The following TMEM9 variants were observed in gnomAD, a reference collection of about 807,000 sequenced individuals.
TMEM9 encodes the protein proton-transporting V-type ATPase complex assembly regulator TMEM9.
Under a neutral mutation model 22.8 loss-of-function variants are expected in TMEM9, and 13 were observed. The observed-to-expected ratio is 0.57, with a 90% CI of 0.37 to 0.91. The LOEUF is 0.91. Among genes scored for constraint, TMEM9 ranks in the 40% least tolerant of loss-of-function variants. The pLI is 0.01. For synonymous variants in TMEM9, 88 were observed against 93.0 expected (o/e 0.95, Z 0.31); for missense variants, 182 against 238.1 (o/e 0.76, Z 1.55).
upstream of TMEM9, among the ~76,000 whole-genome samples, chr1:201,156,491 T>C (rs77546045): frequency 1.9e-3 from 287 of 152,278 alleles, 1 homozygote; most frequent in African/African-American, 6.9e-3. Flanking sequence ...GCCAAGTGGT[T>C]ACCATTTCTG....
intron 1 of TMEM9, among the ~76,000 whole-genome samples, chr1:201,167,293 G>T (rs562278385): frequency 1.3e-5 from 2 of 152,236 alleles, no homozygotes; most frequent in South Asian, 4.1e-4. Flanking sequence ...AAGGCTCAGA[G>T]GTTAGGAGTT....
At chr1:201,148,776 A>G (rs1168343717) in intron 2 of TMEM9, among the ~76,000 whole-genome samples, 1 of 152,254 alleles carries the variant, frequency 6.6e-6, no homozygotes, top group Non-Finnish European at 1.5e-5. Flanking sequence ...AGTTTATCTA[A>G]ACCTTTCATG....
At chr1:201,159,154 T>C (rs867722519), upstream of TMEM9, among the ~76,000 whole-genome samples, 41 of 152,330 alleles carry the variant, frequency 2.7e-4, no homozygotes, top group Middle Eastern at 3.4e-3. Flanking sequence ...GCTCAAGTGA[T>C]AGAATACAGA....
chr1:201,142,584 T>C (rs541428432), intron 4 of TMEM9, among the ~76,000 whole-genome samples: 57 of 152,250 alleles, frequency 3.7e-4, no homozygotes, highest in Non-Finnish European at 6.9e-4. Flanking sequence ...GCTAAATGAC[T>C]CTCAGTTTCT....
At chr1:201,158,854 C>G (rs966521909), upstream of TMEM9, among the ~76,000 whole-genome samples, 4 of 152,116 alleles carry the variant, frequency 2.6e-5, no homozygotes, top group African/African-American at 9.7e-5. Context: ...CTTTATGAGG[C>G]GAGGTCTTGG....
intron 1 of TMEM9, among the ~76,000 whole-genome samples, chr1:201,164,363 T>A (rs1327859201): frequency 1.3e-5 from 2 of 152,236 alleles, no homozygotes; most frequent in African/African-American, 2.4e-5. Context: ...ATGTTATAAG[T>A]GATCTTTGTA....
At chr1:201,137,423 C>CT (rs1181622912) in intron 4 of TMEM9, among the ~76,000 whole-genome samples, 2 of 151,550 alleles carry the variant, frequency 1.3e-5, no homozygotes, top group African/African-American at 4.9e-5. Flanking sequence ...GTCATTGAGA[C>CT]TTTTTTCTGC....
At chr1:201,159,358 A>G (rs1329522835), upstream of TMEM9, among the ~76,000 whole-genome samples, 1 of 152,188 alleles carries the variant, frequency 6.6e-6, no homozygotes, top group East Asian at 1.9e-4. Flanking sequence ...TTTCTCAGGC[A>G]TCAGGGAAAT....
intron 1 of TMEM9, among the ~76,000 whole-genome samples, chr1:201,160,636 TTA>T (rs1665918219): frequency 1.1e-4 from 1 of 9,470 alleles, no homozygotes; most frequent in Non-Finnish European, 3.4e-4. Flanking sequence ...TTTTTTTTTT[TTA>T]AAATCGAGGA....
chr1:201,169,676 A>G (rs1666166049), intron 1 of TMEM9, among the ~76,000 whole-genome samples: 1 of 152,150 alleles, frequency 6.6e-6, no homozygotes, highest in Non-Finnish European at 1.5e-5. Flanking sequence ...ATTTCTTGCT[A>G]TCAGTGAGGG....
intron 1 of TMEM9, among the ~76,000 whole-genome samples, chr1:201,161,560 G>T (rs903203307): frequency 2.0e-5 from 3 of 152,250 alleles, no homozygotes; most frequent in Non-Finnish European, 4.4e-5. Flanking sequence ...TGGGGAAAAT[G>T]TGGTTTCTAT....
intron 1 of TMEM9, among the ~76,000 whole-genome samples, chr1:201,167,446 C>T (rs1666105508): frequency 6.6e-6 from 1 of 152,140 alleles, no homozygotes. Flanking sequence ...CTGGCGAGTC[C>T]AGGTGGAGCA....
intron 4 of TMEM9, among the ~76,000 whole-genome samples, chr1:201,137,959 C>T (rs935722260): frequency 6.6e-6 from 1 of 152,226 alleles, no homozygotes; most frequent in African/African-American, 2.4e-5. Context: ...CCACCCAGTC[C>T]TGCCTCAGTG....
In TMEM9 at chr1:201,142,380, A is replaced by C. The variant is rs1036754165; in HGVS notation, c.399+1440T>G. ...CCCTGGGTCCTCTTTTTGGTGAGGA[A>C]CTGGCTCATGGTCTTGCAAGGGAGC... On this transcript the variant is annotated intron_variant, in intron 4 of 4. Coordinates refer to ENST00000367330, the MANE Select transcript of TMEM9 (RefSeq NM_001288565.2). 8.5e-5 allele frequency among the ~76,000 whole-genome samples: 13 copies of C among 152,278 alleles called. No individual in the cohort carries two copies. In the South Asian group the frequency reaches 1.7e-3, roughly 19 times the overall value.
upstream of TMEM9, among the ~76,000 whole-genome samples, chr1:201,158,329 G>C (rs1326168709): frequency 6.6e-6 from 1 of 150,744 alleles, no homozygotes; most frequent in Admixed American, 6.7e-5. Context: ...CAGGTTTATG[G>C]TAATTTGTGA....
At position 201,167,574 on chromosome 1, in the gene TMEM9, C is replaced by T. The variant is rs117866086; in HGVS notation, c.-37+3916G>A. ...TTGTGACTTCCAGAATAATGACTGG[C>T]GACCATTTATGTCTACACCTTAGCT... On this transcript the variant is annotated intron_variant, in intron 1 of 5. Coordinates refer to the TMEM9 transcript ENST00000367333. Among the ~76,000 whole-genome samples the T allele has an allele frequency of 4.6e-5, 7 of 152,266 alleles. No homozygotes were observed. The East Asian group carries it at 5.8e-4, about 13-fold the overall frequency.
chr1:201,164,405 G>A (rs561237018), intron 1 of TMEM9, among the ~76,000 whole-genome samples: 209 of 152,116 alleles, frequency 1.4e-3, no homozygotes, highest in Non-Finnish European at 2.5e-3. Flanking sequence ...GCAAATCTAC[G>A]ACTGTCTCAA....
Position 201,163,536 on chromosome 1 carries a change from G to A in TMEM9, c.-37+7954C>T, listed in dbSNP as rs569130187. 1.7e-4 allele frequency among the ~76,000 whole-genome samples: 26 copies of A among 152,004 alleles called. No homozygotes were observed. The East Asian group carries it at 5.0e-3, about 29-fold the overall frequency. On this transcript the variant is annotated intron_variant, in intron 1 of 5. Coordinates refer to the TMEM9 transcript ENST00000367333. ...ACCCAGGAGGCAGAGGGTGCAGTGA[G>A]CCAAGATCACGCCACTGCACTCCAA...
chr1:201,144,269 C>G (rs7526291), intron 3 of TMEM9: 87,275 of 258,028 alleles, frequency 0.34, 15,998 homozygotes, highest in Admixed American at 0.4. Context: ...AACACAAGGG[C>G]CTCCCTGGCT....
Sources: allele counts gnomAD v4.1 joint callset (sites outside exome capture counted in the v4.1 genomes callset), GRCh38; gene constraint gnomAD v4.1.1; transcripts MANE v1.5; gene names NCBI Gene and HGNC (gene_info 2026-07-23, HGNC 2026-07-21).